CDH17: variants seen among roughly 807,000 people sequenced by gnomAD.
CDH17 encodes the protein cadherin-17.
A neutral mutation model predicts 86.3 loss-of-function variants in CDH17; 67 were observed. The ratio of observed to expected loss-of-function variants is 0.78; its 90% confidence interval spans 0.64 to 0.95. CDH17 has a LOEUF of 0.95. Among genes scored for constraint, CDH17 ranks in the 40% least tolerant of loss-of-function variants. CDH17 has a pLI of 0.00. For missense variants in CDH17, 993 were observed against 1,017.6 expected, an observed-to-expected ratio of 0.98 and a Z score of 0.33; for synonymous variants, 367 against 366.4, an observed-to-expected ratio of 1.00 and a Z score of -0.02.
intron 1 of CDH17, among the ~76,000 whole-genome samples, chr8:94,199,639 A>G (rs186407178): frequency 6.7e-4 from 102 of 152,268 alleles, no homozygotes; most frequent in African/African-American, 2.2e-3. Context: ...TTATTTTGTC[A>G]TTTACATTTA....
chr8:94,152,085 A>T lies in CDH17; in HGVS notation c.1579T>A (p.Ser527Thr). ...KPLDFETAAVSNIVFKAENPE... is the reference protein window; with the variant it reads ...KPLDFETAAVTNIVFKAENPE... ...TTTTCTGCTTTGAACACAATGTTGG[A>T]AACAGCTGCTGTTTCAAAATCAAGA... is the stretch of plus-strand genomic sequence containing the variant. Residue 527 changes from serine to threonine, a missense_variant, in exon 13 of 18, where the codon TCC becomes ACC. Coordinates refer to ENST00000027335, the MANE Select transcript of CDH17 (RefSeq NM_004063.4). The T allele has an allele frequency of 5.0e-6, 8 of 1,614,162 alleles. No individual in the cohort carries two copies. The highest frequency in any genetic ancestry group is 6.8e-6 in the Non-Finnish European group (8 of 1,180,006).
At chr8:94,137,790 A>G (rs1812560393) in intron 15 of CDH17, among the ~76,000 whole-genome samples, 1 of 152,264 alleles carries the variant, frequency 6.6e-6, no homozygotes, top group Admixed American at 6.5e-5. Flanking sequence ...CCATGAAAGC[A>G]AAAGCGAAAG....
At chr8:94,155,344 T>C (rs1812927130) in intron 12 of CDH17, among the ~76,000 whole-genome samples, 1 of 151,654 alleles carries the variant, frequency 6.6e-6, no homozygotes. Context: ...CCAGTTGAGA[T>C]AAAAGCCTAG....
Position 94,168,134 on chromosome 8 carries a change from A to ACG in CDH17, c.1067-2159_1067-2158insCG, listed in dbSNP as rs1563576890. On this transcript the variant is annotated intron_variant, in intron 9 of 17. Coordinates refer to ENST00000027335, the MANE Select transcript of CDH17 (RefSeq NM_004063.4). Reference sequence around the variant, plus strand: ...TATATATATATATATATATATATATATATATATATATATATATATATATTT... The same window carrying ACG: ...TATATATATATATATATATATATATACGTATATATATATATATATATATATTT... Among the ~76,000 whole-genome samples, 20 of 55,784 alleles carry ACG rather than the reference A, an allele frequency of 3.6e-4. 1 individual carries two copies. Among genetic ancestry groups the ACG allele is most frequent in the African/African-American group, 1.1e-3 (18 of 16,874 alleles). The allele number at this position is 55,784 out of a possible 152,430, so 36.6% of individuals were successfully genotyped here.
At position 94,197,968 on chromosome 8, in the gene CDH17, A is replaced by T. The variant is rs148879811; in HGVS notation, c.-20-3263T>A. ...AAAGTCAAGCAATTTGCCTAAAGAC[A>T]TACAGCTAGGAAGTGACATTACCTT... is the stretch of plus-strand genomic sequence containing the variant. On this transcript the variant is annotated intron_variant, in intron 1 of 17. Transcript: ENST00000027335. Among the ~76,000 whole-genome samples the T allele has an allele frequency of 2.2e-3, 332 of 152,260 alleles. 3 individuals carry two copies. Among genetic ancestry groups the T allele is most frequent in the African/African-American group, 7.1e-3 (293 of 41,536 alleles).
At chr8:94,212,211 A>G (rs1157891119), upstream of CDH17, among the ~76,000 whole-genome samples, 1 of 152,202 alleles carries the variant, frequency 6.6e-6, no homozygotes, top group East Asian at 1.9e-4. Context: ...GCTGGAGTGC[A>G]GTGGTGCGAT....
At chr8:94,166,401 TA>T (rs1813158268) in intron 9 of CDH17, among the ~76,000 whole-genome samples, 1 of 152,234 alleles carries the variant, frequency 6.6e-6, no homozygotes, top group South Asian at 2.1e-4. Flanking sequence ...GGGCCCACTG[TA>T]AGGACATTTT....
chr8:94,183,823 G>A (rs541236218), intron 3 of CDH17, among the ~76,000 whole-genome samples: 9 of 151,628 alleles, frequency 5.9e-5, no homozygotes, highest in Non-Finnish European at 1.2e-4. Context: ...TGATAAGGGA[G>A]AGAACTTGTA....
At chr8:94,208,420 C>A (rs1169943246) in intron 1 of CDH17, 63 bp downstream of exon 1, 1 of 152,236 alleles carries the variant, frequency 6.6e-6, no homozygotes, top group East Asian at 1.9e-4. Context: ...CCTCCCCCTC[C>A]ATCTACTTTG....
At chr8:94,148,713 T>C in intron 14 of CDH17, 31 bp downstream of exon 14, 3 of 1,401,572 alleles carry the variant, frequency 2.1e-6, no homozygotes, top group Non-Finnish European at 2.8e-6. Flanking sequence ...CTGTGTTCCT[T>C]TTTTTTTGTT....
intron 3 of CDH17, among the ~76,000 whole-genome samples, chr8:94,183,986 A>G (rs1247217760): frequency 1.3e-5 from 2 of 152,118 alleles, no homozygotes; most frequent in African/African-American, 2.4e-5. Context: ...TTAGGGAAAT[A>G]TAAACCAAAA....
chr8:94,151,766 C>G, intron 13 of CDH17, 102 bp downstream of exon 13: 1 of 1,452,688 alleles, frequency 6.9e-7, no homozygotes, highest in Non-Finnish European at 9.5e-7. Flanking sequence ...GCTGGGTATG[C>G]TGTGAGGGTC....
At chr8:94,212,800 A>T (rs1229143322), upstream of CDH17, among the ~76,000 whole-genome samples, 1 of 152,244 alleles carries the variant, frequency 6.6e-6, no homozygotes, top group East Asian at 1.9e-4. Flanking sequence ...GGCTCCAAGC[A>T]ACTGCCCAGC....
Position 94,162,172 on chromosome 8 carries a change from A to G in CDH17, c.1283-10T>C. 1 of 1,563,772 alleles carries G rather than the reference A, an allele frequency of 6.4e-7. No homozygotes were observed. Among genetic ancestry groups the G allele is most frequent in the Non-Finnish European group, 8.8e-7 (1 of 1,134,852 alleles). On this transcript the variant is annotated splice_polypyrimidine_tract_variant and intron_variant, in intron 10 of 17. Coordinates refer to ENST00000027335, the MANE Select transcript of CDH17 (RefSeq NM_004063.4). Reference sequence around the variant, plus strand: ...CAAAGGGTCTTGAAATCTGAAAACCAAAGTCATATGTCATAGAAATTTTCA... The same window carrying G: ...CAAAGGGTCTTGAAATCTGAAAACCGAAGTCATATGTCATAGAAATTTTCA...
intron 15 of CDH17, among the ~76,000 whole-genome samples, chr8:94,145,174 A>G (rs1425950128): frequency 6.6e-6 from 1 of 152,186 alleles, no homozygotes; most frequent in African/African-American, 2.4e-5. Context: ...AAAACTGCAA[A>G]TCTTTGTCCC....
At chr8:94,195,251 C>T (rs1813760857) in intron 1 of CDH17, among the ~76,000 whole-genome samples, 2 of 152,212 alleles carry the variant, frequency 1.3e-5, no homozygotes, top group South Asian at 2.1e-4. Flanking sequence ...GATCTGCCTG[C>T]GTCGGCCTCC....
At chr8:94,138,010 C>T (rs1446420485) in intron 15 of CDH17, among the ~76,000 whole-genome samples, 1 of 151,964 alleles carries the variant, frequency 6.6e-6, no homozygotes, top group African/African-American at 2.4e-5. Context: ...CCTCAAAATC[C>T]CTCTGAGTCC....
At chr8:94,174,325 T>G in intron 5 of CDH17, 65 bp from the exon 6 acceptor site, 1 of 1,467,958 alleles carries the variant, frequency 6.8e-7, no homozygotes. Context: ...AAACCAACCA[T>G]AGCTACTTTT....
intron 1 of CDH17, among the ~76,000 whole-genome samples, chr8:94,195,475 A>G (rs1221563544): frequency 1.3e-5 from 2 of 152,198 alleles, no homozygotes; most frequent in Non-Finnish European, 2.9e-5. Flanking sequence ...GATCTTCTAG[A>G]TATTGTCATT....
Sources: gnomAD v4.1 joint callset for allele counts (sites outside exome capture counted in the v4.1 genomes callset) on GRCh38, gnomAD v4.1.1 for gene constraint, MANE v1.5 for transcripts, NCBI Gene and HGNC (gene_info 2026-07-23, HGNC 2026-07-21) for gene names.